Variants in CERS6 observed in about 807,000 individuals in gnomAD.
CERS6 encodes the protein ceramide synthase 6, also known as LAG1 homolog, ceramide synthase 6.
A neutral mutation model predicts 56.8 loss-of-function variants in CERS6; 26 were observed. The ratio of observed to expected loss-of-function variants is 0.46; its 90% confidence interval spans 0.34 to 0.63. The LOEUF (loss-of-function observed/expected upper bound fraction) is 0.63. CERS6 is among the 30% of genes least tolerant of loss of function. The probability of loss-of-function intolerance (pLI) is 0.01; values close to 1 mark genes in which losing one functional copy is unlikely to be tolerated. For missense variants in CERS6, 415 were observed against 467.5 expected, an observed-to-expected ratio of 0.89 and a Z score of 1.04; for synonymous variants, 164 against 173.3, an observed-to-expected ratio of 0.95 and a Z score of 0.42.
chr2:168,688,165 G>A (rs1029217240), intron 4 of CERS6, among the ~76,000 whole-genome samples: 2 of 151,884 alleles, frequency 1.3e-5, no homozygotes, highest in Admixed American at 6.6e-5. Flanking sequence ...CTAAATTGAG[G>A]GGTTTTAGTG....
chr2:168,588,983 G>A (rs1278370850), intron 3 of CERS6, among the ~76,000 whole-genome samples: 3 of 152,172 alleles, frequency 2.0e-5, no homozygotes, highest in African/African-American at 7.2e-5. Context: ...CAGGCAGTCT[G>A]CCTGCCTTGG....
intron 4 of CERS6, among the ~76,000 whole-genome samples, chr2:168,645,909 A>G (rs1387672953): frequency 6.6e-6 from 1 of 152,214 alleles, no homozygotes; most frequent in Non-Finnish European, 1.5e-5. Context: ...CTTGGTGTAT[A>G]CAAACCACAT....
chr2:168,662,924 A>G (rs1222013209), intron 4 of CERS6, among the ~76,000 whole-genome samples: 4 of 152,246 alleles, frequency 2.6e-5, no homozygotes, highest in Non-Finnish European at 5.9e-5. Context: ...GAAGTCAGGC[A>G]TAACCAAAAA....
intron 4 of CERS6, among the ~76,000 whole-genome samples, chr2:168,641,001 G>A (rs1685021858): frequency 6.6e-6 from 1 of 152,120 alleles, no homozygotes; most frequent in African/African-American, 2.4e-5. Context: ...GATGATGGTG[G>A]AGAGTCATTT....
intron 4 of CERS6, among the ~76,000 whole-genome samples, chr2:168,678,139 C>T (rs759314629): frequency 2.0e-5 from 3 of 152,178 alleles, no homozygotes; most frequent in Non-Finnish European, 4.4e-5. Flanking sequence ...AGTGTGGCAG[C>T]ACCATTGCTT....
At chr2:168,568,586 A>T (rs11350693) in intron 3 of CERS6, among the ~76,000 whole-genome samples, 1 of 6,036 alleles carries the variant, frequency 1.7e-4, no homozygotes, top group Admixed American at 1.6e-3. Flanking sequence ...GTCGTATTTT[A>T]TACAGGTGCC....
At chr2:168,524,177 A>C (rs1367938528) in intron 1 of CERS6, among the ~76,000 whole-genome samples, 3 of 152,188 alleles carry the variant, frequency 2.0e-5, no homozygotes, top group Admixed American at 6.5e-5. Context: ...ATGCAAAAGG[A>C]AGTCTCAAAG....
At chr2:168,544,142 C>T (rs1048058580) in intron 1 of CERS6, among the ~76,000 whole-genome samples, 16 of 152,186 alleles carry the variant, frequency 1.1e-4, no homozygotes, top group Non-Finnish European at 1.6e-4. Context: ...GTCATTTAAA[C>T]TTTAATGGAC....
chr2:168,611,066 C>T (rs1684178046), intron 3 of CERS6, among the ~76,000 whole-genome samples: 1 of 152,178 alleles, frequency 6.6e-6, no homozygotes, highest in African/African-American at 2.4e-5. Flanking sequence ...ACCTCAGCCT[C>T]TCAAAGTACT....
chr2:168,676,939 C>T (rs1180287774), intron 4 of CERS6, among the ~76,000 whole-genome samples: 1 of 150,978 alleles, frequency 6.6e-6, no homozygotes, highest in Non-Finnish European at 1.5e-5. Context: ...TTTGGTGCCA[C>T]TGTCTTGTTT....
At chr2:168,612,826 C>T (rs988904256) in intron 3 of CERS6, among the ~76,000 whole-genome samples, 2 of 152,138 alleles carry the variant, frequency 1.3e-5, no homozygotes, top group Admixed American at 6.5e-5. Context: ...TGCAAGCAAC[C>T]TCCTGTGTAG....
chr2:168,493,491 G>T (rs576511855), intron 1 of CERS6, among the ~76,000 whole-genome samples: 49 of 151,954 alleles, frequency 3.2e-4, no homozygotes, highest in Non-Finnish European at 5.9e-4. Flanking sequence ...TAACCACTGC[G>T]CTCTATAAAA....
intron 8 of CERS6, among the ~76,000 whole-genome samples, chr2:168,746,813 A>G (rs1028369410): frequency 1.5e-4 from 17 of 115,708 alleles, no homozygotes; most frequent in Non-Finnish European, 1.9e-4. Context: ...ATATATATAT[A>G]TATATATAAA....
intron 1 of CERS6, among the ~76,000 whole-genome samples, chr2:168,521,818 T>G (rs891208910): frequency 2.0e-5 from 3 of 152,164 alleles, no homozygotes; most frequent in African/African-American, 7.2e-5. Context: ...AGATCTAAAT[T>G]AGAAATGGAA....
intron 3 of CERS6, among the ~76,000 whole-genome samples, chr2:168,630,021 T>C (rs545026644): frequency 2.6e-5 from 4 of 152,144 alleles, no homozygotes; most frequent in African/African-American, 9.6e-5. Flanking sequence ...TTTCACCGTG[T>C]TAACCAGGAT....
At chr2:168,572,325 T>G (rs7605770) in intron 3 of CERS6, among the ~76,000 whole-genome samples, 34 of 152,148 alleles carry the variant, frequency 2.2e-4, no homozygotes, top group African/African-American at 7.9e-4. Flanking sequence ...TACAGTTCAG[T>G]TGCTGTGATG....
intron 1 of CERS6, among the ~76,000 whole-genome samples, chr2:168,546,624 A>G (rs947512975): frequency 5.9e-5 from 9 of 152,198 alleles, no homozygotes; most frequent in African/African-American, 2.2e-4. Flanking sequence ...AGATTTAATT[A>G]TGGTCTGTTT....
intron 1 of CERS6, among the ~76,000 whole-genome samples, chr2:168,502,539 CT>C (rs1206553321): frequency 1.3e-5 from 2 of 152,110 alleles, no homozygotes; most frequent in Admixed American, 1.3e-4. Context: ...GGTCCCTAGA[CT>C]TTGATATTGG....
At chr2:168,630,028 G>A (rs1684676648) in intron 3 of CERS6, among the ~76,000 whole-genome samples, 1 of 151,974 alleles carries the variant, frequency 6.6e-6, no homozygotes, top group Non-Finnish European at 1.5e-5. Flanking sequence ...GTGTTAACCA[G>A]GATGATCTCG....
Sources: allele counts gnomAD v4.1 joint callset (sites outside exome capture counted in the v4.1 genomes callset), GRCh38; gene constraint gnomAD v4.1.1; transcripts MANE v1.5; gene names NCBI Gene and HGNC (gene_info 2026-07-23, HGNC 2026-07-21).